The following MDGA2 variants were observed in gnomAD, a reference collection of about 807,000 sequenced individuals.
MDGA2 encodes MAM domain containing glycosylphosphatidylinositol anchor 2, also known as MAM domain-containing glycosylphosphatidylinositol anchor protein 2.
A neutral mutation model predicts 117.8 loss-of-function variants in MDGA2; 40 were observed. The ratio of observed to expected loss-of-function variants is 0.34; its 90% CI spans 0.26 to 0.44. MDGA2 has a LOEUF of 0.44. Ranked by LOEUF, MDGA2 falls within the 20% of genes least tolerant of loss-of-function variation. The probability of loss-of-function intolerance (pLI) is 1.00; values close to 1 mark genes in which losing one functional copy is unlikely to be tolerated. For synonymous variants in MDGA2, 452 were observed against 439.0 expected, an observed-to-expected ratio of 1.03 and a Z score of -0.37; for missense variants, 1,123 against 1,250.6, an observed-to-expected ratio of 0.90 and a Z score of 1.54.
chr14:47,494,878 A>C lies in MDGA2; in HGVS notation c.280+179639T>G, dbSNP rs951150703. Reference sequence around the variant, plus strand: ...GTTGACTGAATTTTAAAATGTGATTATATATATATATATATGTAAAATATA... The same window carrying C: ...GTTGACTGAATTTTAAAATGTGATTCTATATATATATATATGTAAAATATA... On this transcript the variant is annotated intron_variant, in intron 1 of 16. Coordinates refer to ENST00000399232, the MANE Select transcript of MDGA2 (RefSeq NM_001113498.3). Among the ~76,000 whole-genome samples the C allele has an allele frequency of 3.7e-4, 48 of 131,290 alleles. 1 individual carries two copies. Among genetic ancestry groups the C allele is most frequent in the African/African-American group, 1.8e-3 (45 of 25,408 alleles). The allele number at this position is 131,290 out of a possible 152,430, so 86.1% of individuals were successfully genotyped here.
rs542340662 is a variant in MDGA2 at position 47,537,918 on chromosome 14, T to C, written c.280+136599A>G. Among the ~76,000 whole-genome samples, 417 of 152,276 alleles carry C rather than the reference T, an allele frequency of 2.7e-3. 2 individuals are homozygous for C. The highest frequency in any genetic ancestry group is 9.8e-3 in the African/African-American group (406 of 41,548). ...ACCAGACTTCCCAAGGACAACATAA[T>C]GAACAATAACCATGTACAGCACAGG... is the stretch of plus-strand genomic sequence containing the variant. On this transcript the variant is annotated intron_variant, in intron 1 of 16. Transcript: ENST00000399232.
chr14:46,865,800 AAG>A (rs1312689002), intron 14 of MDGA2, among the ~76,000 whole-genome samples: 2 of 152,154 alleles, frequency 1.3e-5, no homozygotes, highest in African/African-American at 4.8e-5. Flanking sequence ...AATTGCTTCA[AAG>A]AGAATAAAAT....
intron 9 of MDGA2, among the ~76,000 whole-genome samples, chr14:46,948,444 C>G (rs1885250174): frequency 6.6e-6 from 1 of 151,950 alleles, no homozygotes; most frequent in African/African-American, 2.4e-5. Context: ...CATTCTCTAT[C>G]TTCTCTTCCC....
At position 46,908,039 on chromosome 14, in the gene MDGA2, G is replaced by C. The variant is rs368090324; in HGVS notation, c.2238+11973C>G. Among the ~76,000 whole-genome samples the C allele has an allele frequency of 3.3e-5, 5 of 152,102 alleles. No homozygotes were observed. In the East Asian group the frequency reaches 7.7e-4, roughly 23 times the overall value. ...TTACATTGATATAAGTCCCCACGAA[G>C]AGACAATAACCCTCACACATATCAT... On this transcript the variant is annotated intron_variant, in intron 10 of 16. Transcript: ENST00000399232.
intron 5 of MDGA2, 151 bp from the exon 6 acceptor site, chr14:47,097,274 G>T (rs761163990): frequency 6.6e-5 from 47 of 708,938 alleles, no homozygotes; most frequent in Middle Eastern, 4.1e-4. Context: ...ATTTAAACAA[G>T]ATTTAATGGT....
chr14:46,939,039 T>A (rs977136165), intron 9 of MDGA2, among the ~76,000 whole-genome samples: 1 of 152,152 alleles, frequency 6.6e-6, no homozygotes, highest in Admixed American at 6.5e-5. Context: ...CATGATCTCA[T>A]GCATTTATGG....
intron 1 of MDGA2, among the ~76,000 whole-genome samples, chr14:47,554,568 C>T (rs1202129186): frequency 6.6e-6 from 1 of 151,956 alleles, no homozygotes; most frequent in Non-Finnish European, 1.5e-5. Context: ...AATCTGTTTC[C>T]CTAATTGTAT....
intron 1 of MDGA2, among the ~76,000 whole-genome samples, chr14:47,381,529 C>G (rs1464424443): frequency 6.6e-6 from 1 of 152,192 alleles, no homozygotes; most frequent in Non-Finnish European, 1.5e-5. Context: ...GATACAAAAT[C>G]AATGTGCAAA....
At chr14:47,102,616 C>G (rs912190718) in intron 5 of MDGA2, among the ~76,000 whole-genome samples, 5 of 152,054 alleles carry the variant, frequency 3.3e-5, no homozygotes, top group Non-Finnish European at 7.4e-5. Flanking sequence ...CAGGTTATCA[C>G]TGTGGGAAAC....
At chr14:47,569,841 G>A (rs1566520299) in intron 1 of MDGA2, among the ~76,000 whole-genome samples, 1 of 152,086 alleles carries the variant, frequency 6.6e-6, no homozygotes, top group African/African-American at 2.4e-5. Flanking sequence ...AACTTCTAAT[G>A]TTTTAATTTC....
At chr14:46,954,592 A>G (rs11847893) in intron 9 of MDGA2, among the ~76,000 whole-genome samples, 55,102 of 151,666 alleles carry the variant, frequency 0.36, 12,103 homozygotes, top group African/African-American at 0.61. Flanking sequence ...ATTACTGCAC[A>G]CTCACATTGC....
chr14:46,940,138 T>C (rs1039809398), intron 9 of MDGA2, among the ~76,000 whole-genome samples: 3 of 133,154 alleles, frequency 2.3e-5, no homozygotes, highest in African/African-American at 8.0e-5. Flanking sequence ...AGTTTATCCC[T>C]AGGACTCAAT....
intron 8 of MDGA2, among the ~76,000 whole-genome samples, chr14:47,004,264 A>G (rs377296566): frequency 6.6e-6 from 1 of 151,888 alleles, no homozygotes; most frequent in South Asian, 2.1e-4. Context: ...ATATAGATCA[A>G]TAGGTGGACC....
At chr14:47,176,680 C>A (rs949007246) in intron 3 of MDGA2, among the ~76,000 whole-genome samples, 2 of 152,124 alleles carry the variant, frequency 1.3e-5, no homozygotes, top group African/African-American at 2.4e-5. Flanking sequence ...AAATGTTAGA[C>A]CTAAAACCAT....
At chr14:47,560,783 G>T (rs1466455796) in intron 1 of MDGA2, among the ~76,000 whole-genome samples, 1 of 151,932 alleles carries the variant, frequency 6.6e-6, no homozygotes, top group African/African-American at 2.4e-5. Context: ...TCTTTGCCAG[G>T]TCCTATATCC....
Position 47,470,042 on chromosome 14 carries a change from G to A in MDGA2, c.281-168492C>T, listed in dbSNP as rs533355574. ...TCACTGTAAGGTCAGCTCCATCACAGTGGCAGCTAGGAGATTTTGTGAGGC... is the reference window on the plus strand; with the variant it reads ...TCACTGTAAGGTCAGCTCCATCACAATGGCAGCTAGGAGATTTTGTGAGGC... On this transcript the variant is annotated intron_variant, in intron 1 of 16. Coordinates refer to ENST00000399232, the MANE Select transcript of MDGA2 (RefSeq NM_001113498.3). 2.7e-3 allele frequency among the ~76,000 whole-genome samples: 412 copies of A among 152,204 alleles called. 2 individuals carry two copies. The highest frequency in any genetic ancestry group is 9.6e-3 in the African/African-American group (400 of 41,548).
At chr14:47,012,703 TC>T (rs1451019883) in intron 8 of MDGA2, among the ~76,000 whole-genome samples, 3 of 151,990 alleles carry the variant, frequency 2.0e-5, no homozygotes, top group African/African-American at 7.2e-5. Flanking sequence ...AAGCAGGAGG[TC>T]ATATTTCAGT....
At chr14:46,895,830 A>C (rs1430847242) in intron 10 of MDGA2, among the ~76,000 whole-genome samples, 1 of 152,130 alleles carries the variant, frequency 6.6e-6, no homozygotes, top group Non-Finnish European at 1.5e-5. Flanking sequence ...AATAGTCTTA[A>C]TATTTTGATT....
At chr14:47,078,879 C>A (rs775466410) in intron 6 of MDGA2, among the ~76,000 whole-genome samples, 1 of 152,034 alleles carries the variant, frequency 6.6e-6, no homozygotes, top group Non-Finnish European at 1.5e-5. Flanking sequence ...CTGAAGAGAC[C>A]TCTCTGGGCT....
Sources: allele counts gnomAD v4.1 joint callset (sites outside exome capture counted in the v4.1 genomes callset), GRCh38; gene constraint gnomAD v4.1.1; transcripts MANE v1.5; gene names NCBI Gene and HGNC (gene_info 2026-07-23, HGNC 2026-07-21).